The following ZNF761 variants were observed in gnomAD, a reference collection of about 807,000 sequenced individuals.
ZNF761 encodes the protein zinc finger protein 761.
A neutral mutation model predicts 59.9 loss-of-function variants in ZNF761; 43 were observed. That is an observed-to-expected ratio of 0.72 (90% confidence interval 0.56 to 0.92). ZNF761 has a LOEUF of 0.92. Ranked by LOEUF, ZNF761 falls within the 40% of genes least tolerant of loss-of-function variation. The pLI is 0.00. For synonymous variants in ZNF761, 294 were observed against 304.8 expected (o/e 0.96, Z 0.37); for missense variants, 850 against 906.1 (o/e 0.94, Z 0.79).
chr19:53,432,708 CAG>C (rs535975466), intron 1 of ZNF761, among the ~76,000 whole-genome samples: 1 of 151,964 alleles, frequency 6.6e-6, no homozygotes, highest in African/African-American at 2.4e-5. Flanking sequence ...AAACCTGAGA[CAG>C]AAAAGAAGAA....
At chr19:53,449,113 C>T (rs1452648293) in intron 3 of ZNF761, among the ~76,000 whole-genome samples, 2 of 152,056 alleles carry the variant, frequency 1.3e-5, no homozygotes, top group Admixed American at 6.5e-5. Context: ...AGGCAGATCA[C>T]GAGGTCAGGA....
Position 53,456,088 on chromosome 19 carries a change from C to G in ZNF761, c.1581C>G (p.Cys527Trp). 1 of 1,589,530 alleles carries G rather than the reference C, an allele frequency of 6.3e-7. No homozygotes were observed. Among genetic ancestry groups the G allele is most frequent in the Non-Finnish European group, 8.6e-7 (1 of 1,165,436 alleles). Residue 527 changes from cysteine (C) to tryptophan (W), a missense_variant, in exon 5 of 5, where the codon TGC becomes TGG. Physicochemically the swap from Cys to Trp is radical, Grantham distance 215. Coordinates refer to ENST00000684525, the MANE Select transcript of ZNF761 (RefSeq NM_001289951.2). ...AGAAAGCTTACAAGTGTAATGAGTG[C>G]GGCAAGACCTTTAGTTGGAAGTCAT... is the stretch of plus-strand genomic sequence containing the variant. Reference protein sequence around the residue: ...TGEKAYKCNECGKTFSWKSSL... With the variant: ...TGEKAYKCNEWGKTFSWKSSL...
At chr19:53,450,120 T>C (rs547236337) in intron 4 of ZNF761, 2,929 of 268,158 alleles carry the variant, frequency 0.011, 23 homozygotes, top group Middle Eastern at 0.018. Flanking sequence ...CCGGCCAACA[T>C]GGTGAAACCC....
Position 53,458,088 on chromosome 19 carries a change from T to G in ZNF761, c.*1340T>G, listed in dbSNP as rs1262085115. On this transcript the variant is annotated 3_prime_UTR_variant, in exon 5 of 5. Transcript: ENST00000684525. ...GTGTTTTAAAATTTTCTTTTAAAAT[T>G]GTTTATTGTTAAAGTATGGAAATTC... The G allele has an allele frequency of 6.6e-6, 1 of 152,372 alleles. No homozygotes were observed. The highest frequency in any genetic ancestry group is 1.9e-4 in the East Asian group (1 of 5,200). 9.4% of individuals were successfully genotyped at this position (152,372 alleles called of 1,614,324 possible).
At chr19:53,434,870 C>G (rs1351252957) in intron 1 of ZNF761, among the ~76,000 whole-genome samples, 2 of 152,166 alleles carry the variant, frequency 1.3e-5, no homozygotes, top group African/African-American at 4.8e-5. Flanking sequence ...ACCAAGCAAA[C>G]AGGTTTTTAG....
In ZNF761 at chr19:53,450,071, A is replaced by G. The variant is rs370420383; in HGVS notation, c.142+433A>G. Reference sequence around the variant, plus strand: ...TGTAATCCCAGCACTTTGGGAGGCCAAGGTGGGTGGATCACGAGGTCAGGC... The same window carrying G: ...TGTAATCCCAGCACTTTGGGAGGCCGAGGTGGGTGGATCACGAGGTCAGGC... On this transcript the variant is annotated intron_variant, in intron 4 of 4. Transcript: ENST00000684525. 3.8e-4 allele frequency: 137 copies of G among 357,390 alleles called. 1 individual carries two copies. Among genetic ancestry groups the G allele is most frequent in the African/African-American group, 1.6e-3 (74 of 47,196 alleles). 22.1% of individuals were successfully genotyped at this position (357,390 alleles called of 1,614,324 possible).
Position 53,455,217 on chromosome 19 carries a change from A to AT in ZNF761, c.713dup (p.Leu238PhefsTer6). 1 of 1,614,214 alleles carries AT rather than the reference A, an allele frequency of 6.2e-7. No homozygotes were observed. Among genetic ancestry groups the AT allele is most frequent in the Non-Finnish European group, 8.5e-7 (1 of 1,180,034 alleles). ...CTCTTAAGGAAACATCAGATAATCC[A>AT]TTTAGCAGACAAATATAAATGTGAT... On this transcript the variant is annotated frameshift_variant, in exon 5 of 5. Transcript: ENST00000684525. LOFTEE classifies it high-confidence loss of function.
At chr19:53,451,415 G>A (rs768366595) in intron 4 of ZNF761, among the ~76,000 whole-genome samples, 2 of 151,992 alleles carry the variant, frequency 1.3e-5, no homozygotes, top group African/African-American at 2.4e-5. Flanking sequence ...CTCCTTTTTG[G>A]TTAGGCAGGT....
Position 53,455,828 on chromosome 19 carries a change from A to G in ZNF761, c.1321A>G (p.Asn441Asp). 1 of 1,613,816 alleles carries G rather than the reference A, an allele frequency of 6.2e-7. No homozygotes were observed. The highest frequency in any genetic ancestry group is 8.5e-7 in the Non-Finnish European group (1 of 1,179,970). The change falls in exon 5 of 5, where the codon AAT becomes GAT. Residue 441 changes from asparagine to aspartate, a missense_variant. Coordinates refer to ENST00000684525, the MANE Select transcript of ZNF761 (RefSeq NM_001289951.2). ...TACTGAAGACAATGCTTACAAGTGT[A>G]ATGAGTGTGGAAAGACCTTTAGCCG... ...IHTEDNAYKCNECGKTFSRTS... is the reference protein window; with the variant it reads ...IHTEDNAYKCDECGKTFSRTS...
At chr19:53,441,505 G>A (rs12976412) in intron 1 of ZNF761, among the ~76,000 whole-genome samples, 103,025 of 149,300 alleles carry the variant, frequency 0.69, 35,947 homozygotes, top group South Asian at 0.76. Context: ...GGAGTGTAGT[G>A]GCATGATGTC....
chr19:53,448,253 G>T (rs188125701), intron 3 of ZNF761, among the ~76,000 whole-genome samples: 10 of 152,254 alleles, frequency 6.6e-5, no homozygotes, highest in South Asian at 2.1e-4. Context: ...TCTGCCCACC[G>T]CAGTCTCCCA....
chr19:53,437,960 T>C (rs10422589), intron 1 of ZNF761, among the ~76,000 whole-genome samples: 72,051 of 107,420 alleles, frequency 0.67, 27,181 homozygotes, highest in Non-Finnish European at 0.73. Context: ...GTTACCACTG[T>C]ATACCTGGCA....
rs529773829 is a variant in ZNF761, at chr19:53,439,290, T to G, written c.-184-6937T>G. Reference sequence around the variant, plus strand: ...TGACTCAAAAAAAAAAAAAAAAGATTGTGGTAGTTGTTTTTGTTGTTGTTG... The same window carrying G: ...TGACTCAAAAAAAAAAAAAAAAGATGGTGGTAGTTGTTTTTGTTGTTGTTG... On this transcript the variant is annotated intron_variant, in intron 1 of 4. Transcript: ENST00000684525. Among the ~76,000 whole-genome samples, 707 of 138,274 alleles carry G rather than the reference T, an allele frequency of 5.1e-3. 7 individuals carry two copies. Among genetic ancestry groups the G allele is most frequent in the African/African-American group, 0.017 (661 of 37,828 alleles). 90.7% of individuals were successfully genotyped at this position (138,274 alleles called of 152,430 possible).
At chr19:53,432,455 G>T (rs2085981235) in intron 1 of ZNF761, among the ~76,000 whole-genome samples, 1 of 152,082 alleles carries the variant, frequency 6.6e-6, no homozygotes, top group African/African-American at 2.4e-5. Flanking sequence ...AGGTGCTGTC[G>T]CCCCTTCACC....
rs550530922 is a variant in ZNF761 at position 53,452,157 on chromosome 19, T to C, written c.143-2493T>C. On this transcript the variant is annotated intron_variant, in intron 4 of 4. Coordinates refer to ENST00000684525, the MANE Select transcript of ZNF761 (RefSeq NM_001289951.2). ...TGAAATCAGGAGTTTGAGACCAGTC[T>C]GGCCAACATGGTGAAACCTCGAATC... Among the ~76,000 whole-genome samples the C allele has an allele frequency of 1.1e-3, 168 of 152,240 alleles. 1 individual carries two copies. Among genetic ancestry groups the C allele is most frequent in the African/African-American group, 3.8e-3 (159 of 41,532 alleles).
intron 1 of ZNF761, among the ~76,000 whole-genome samples, chr19:53,435,177 A>T (rs1398478586): frequency 2.0e-5 from 3 of 151,836 alleles, no homozygotes; most frequent in Non-Finnish European, 2.9e-5. Context: ...ACCTTGCACG[A>T]ATTTAAACTA....
chr19:53,453,262 A>G (rs1285142161), intron 4 of ZNF761, among the ~76,000 whole-genome samples: 1 of 152,124 alleles, frequency 6.6e-6, no homozygotes, highest in African/African-American at 2.4e-5. Flanking sequence ...TCAGCCTCCC[A>G]AAGTGCTGGT....
At chr19:53,451,749 ATTTTT>A (rs747022735) in intron 4 of ZNF761, among the ~76,000 whole-genome samples, 9 of 128,456 alleles carry the variant, frequency 7.0e-5, no homozygotes, top group African/African-American at 2.3e-4. Flanking sequence ...CACCCGGCTA[ATTTTT>A]TTTTTTTTTT....
intron 2 of ZNF761, among the ~76,000 whole-genome samples, chr19:53,446,938 T>TCAGGGCTGGGTCTAGGGACC (rs71942817): frequency 2.6e-5 from 4 of 152,046 alleles, no homozygotes; most frequent in African/African-American, 7.2e-5. Context: ...TGGGGTTTGG[T>TCAGGGCTGGGTCTAGGGACC]CAGGGCTGGG....
Sources: gnomAD v4.1 joint callset for allele counts (sites outside exome capture counted in the v4.1 genomes callset) on GRCh38, gnomAD v4.1.1 for gene constraint, MANE v1.5 for transcripts, NCBI Gene and HGNC (gene_info 2026-07-23, HGNC 2026-07-21) for gene names.